SHISA9: variants seen among roughly 807,000 people sequenced by gnomAD.
The protein encoded by SHISA9 is shisa family member 9.
A neutral mutation model predicts 38.0 loss-of-function variants in SHISA9; 13 were observed. The observed-to-expected ratio is 0.34, with a 90% CI of 0.22 to 0.54. The LOEUF (loss-of-function observed/expected upper bound fraction) is 0.54. Among genes scored for constraint, SHISA9 ranks in the 20% least tolerant of loss-of-function variants. The pLI is 0.91. For missense variants in SHISA9, 538 were observed against 575.8 expected (o/e 0.93, Z 0.67); for synonymous variants, 275 against 242.0 (o/e 1.14, Z -1.27).
the SHISA9 span, among the ~76,000 whole-genome samples, chr16:13,464,655 C>T: frequency 9.2e-5 from 14 of 152,272 alleles, no homozygotes; most frequent in Non-Finnish European, 1.5e-4. Context: ...CGGAAATTTT[C>T]CCGTTTACTA....
chr16:13,457,739 T>G, the SHISA9 span, among the ~76,000 whole-genome samples: 6 of 151,974 alleles, frequency 3.9e-5, no homozygotes, highest in African/African-American at 1.5e-4. Flanking sequence ...CCCAGAACTT[T>G]CTGTTGCCAC....
At chr16:12,974,893 A>G (rs543995762) in intron 2 of SHISA9, among the ~76,000 whole-genome samples, 3 of 152,232 alleles carry the variant, frequency 2.0e-5, no homozygotes, top group South Asian at 4.2e-4. Context: ...CTGCATTTAC[A>G]TCTATCACAT....
At chr16:13,548,654 G>A in the SHISA9 span, among the ~76,000 whole-genome samples, 9 of 152,140 alleles carry the variant, frequency 5.9e-5, no homozygotes, top group Middle Eastern at 3.4e-3. Context: ...CAGAACCACA[G>A]TGAAGTATCA....
chr16:13,284,613 T>A, the SHISA9 span, among the ~76,000 whole-genome samples: 156 of 152,308 alleles, frequency 1.0e-3, 1 homozygote, highest in African/African-American at 3.7e-3. Context: ...ATTTATTTAC[T>A]GTAAGACAGA....
chr16:13,170,504 G>T (rs2050676670), intron 2 of SHISA9, among the ~76,000 whole-genome samples: 1 of 152,184 alleles, frequency 6.6e-6, no homozygotes, highest in Non-Finnish European at 1.5e-5. Context: ...GGGTGGTGTG[G>T]AGAGCATCAG....
intron 2 of SHISA9, among the ~76,000 whole-genome samples, chr16:13,140,500 C>T (rs1207988371): frequency 6.6e-6 from 1 of 152,002 alleles, no homozygotes; most frequent in Non-Finnish European, 1.5e-5. Context: ...TCTGGGGGTA[C>T]CTAAACATCT....
chr16:13,457,592 C>T, the SHISA9 span, among the ~76,000 whole-genome samples: 2 of 151,612 alleles, frequency 1.3e-5, no homozygotes, highest in African/African-American at 4.8e-5. Context: ...CTTTGTGTAG[C>T]CTTTGACCAT....
At chr16:13,074,016 C>G (rs377424873) in intron 2 of SHISA9, among the ~76,000 whole-genome samples, 1 of 142,400 alleles carries the variant, frequency 7.0e-6, no homozygotes, top group South Asian at 2.4e-4. Flanking sequence ...GTTGCCCAGG[C>G]TGGAATGCAG....
In SHISA9 at chr16:13,196,087, CAAAAAAAAA is replaced by C. The variant is rs1172680715; in HGVS notation, c.692-7287_692-7279del. Among the ~76,000 whole-genome samples the C allele has an allele frequency of 8.5e-4, 12 of 14,144 alleles. No individual in the cohort carries two copies. The East Asian group carries it at 0.022, about 26-fold the overall frequency. 9.3% of individuals were successfully genotyped at this position (14,144 alleles called of 152,430 possible). A position where few individuals can be genotyped will look rare whatever the true frequency, so the allele number is the denominator to read the frequency against. On this transcript the variant is annotated intron_variant, in intron 2 of 4. Transcript: ENST00000558583. ...TGGGGGACAGAGCAAGACTCTCTCT[CAAAAAAAAA>C]AAAAAAAAAAAAAAAAAAAGGCCAG...
chr16:13,117,760 G>T (rs1023294215), intron 2 of SHISA9, among the ~76,000 whole-genome samples: 1 of 152,170 alleles, frequency 6.6e-6, no homozygotes, highest in Non-Finnish European at 1.5e-5. Context: ...AAAAAGTTCT[G>T]CTGTTTTAAG....
At chr16:13,199,079 T>A (rs946961667) in intron 2 of SHISA9, among the ~76,000 whole-genome samples, 1 of 152,220 alleles carries the variant, frequency 6.6e-6, no homozygotes. Flanking sequence ...TAGAATTATT[T>A]TTTTTCTTTA....
intron 1 of SHISA9, among the ~76,000 whole-genome samples, chr16:12,905,792 C>T (rs561509359): frequency 6.6e-6 from 1 of 152,166 alleles, no homozygotes; most frequent in East Asian, 1.9e-4. Flanking sequence ...CAGGGTTCCA[C>T]CTGGCCTGGG....
the SHISA9 span, among the ~76,000 whole-genome samples, chr16:13,528,467 A>AT: frequency 4.3e-4 from 66 of 152,308 alleles, no homozygotes; most frequent in Middle Eastern, 6.8e-3. Context: ...AACGTGTCTT[A>AT]TTCTAAAACA....
At chr16:13,276,196 A>G in the SHISA9 span, among the ~76,000 whole-genome samples, 1 of 151,916 alleles carries the variant, frequency 6.6e-6, no homozygotes, top group African/African-American at 2.4e-5. Flanking sequence ...TACTTCACTT[A>G]GTTTAATAGT....
the SHISA9 span, among the ~76,000 whole-genome samples, chr16:13,546,063 G>T: frequency 1.3e-5 from 2 of 152,146 alleles, no homozygotes; most frequent in African/African-American, 4.8e-5. Flanking sequence ...GAGAACACTA[G>T]GCTCACTAAT....
At chr16:12,972,041 T>TTGTGTGTGTGTG (rs72368949) in intron 2 of SHISA9, among the ~76,000 whole-genome samples, 4,579 of 141,964 alleles carry the variant, frequency 0.032, 125 homozygotes, top group Admixed American at 0.067. Context: ...CTCTTGGAGT[T>TTGTGTGTGTGTG]TGTGTGTGTG....
chr16:13,557,320 T>G, the SHISA9 span, among the ~76,000 whole-genome samples: 2 of 152,152 alleles, frequency 1.3e-5, no homozygotes, highest in Non-Finnish European at 2.9e-5. Flanking sequence ...AGACCAAAAA[T>G]ACAATCTACA....
Position 12,955,671 on chromosome 16 carries a change from A to C in SHISA9, c.691+38856A>C, listed in dbSNP as rs138382142. Among the ~76,000 whole-genome samples, 189 of 152,130 alleles carry C rather than the reference A, an allele frequency of 1.2e-3. 4 individuals are homozygous for C. The East Asian group carries it at 0.028, about 22-fold the overall frequency. On this transcript the variant is annotated intron_variant, in intron 2 of 4. Transcript: ENST00000558583. ...AACAATGGGGAAAGGACAGCCTTTT[A>C]AATAAATGGTACTGGGAGAATTGGC...
chr16:13,147,918 C>T (rs915254105), intron 2 of SHISA9, among the ~76,000 whole-genome samples: 4 of 152,188 alleles, frequency 2.6e-5, no homozygotes, highest in Non-Finnish European at 5.9e-5. Context: ...AAATGCTACT[C>T]ACCCCAAATA....
Sources: gnomAD v4.1 joint callset for allele counts (sites outside exome capture counted in the v4.1 genomes callset) on GRCh38, gnomAD v4.1.1 for gene constraint, MANE v1.5 for transcripts, NCBI Gene and HGNC (gene_info 2026-07-23, HGNC 2026-07-21) for gene names.